Variants in USP4 observed in about 807,000 individuals in gnomAD.
USP4 encodes the protein ubiquitin specific peptidase 4, also known as ubiquitin carboxyl-terminal hydrolase 4.
A neutral mutation model predicts 118.2 loss-of-function variants in USP4; 72 were observed. The ratio of observed to expected loss-of-function variants is 0.61; its 90% CI spans 0.50 to 0.74. The LOEUF is 0.74. Ranked by LOEUF, USP4 falls within the 30% of genes least tolerant of loss-of-function variation. The probability of loss-of-function intolerance (pLI) is 0.00; values close to 1 mark genes in which losing one functional copy is unlikely to be tolerated. For synonymous variants in USP4, 415 were observed against 440.4 expected, an observed-to-expected ratio of 0.94 and a Z score of 0.72; for missense variants, 1,037 against 1,185.7, an observed-to-expected ratio of 0.87 and a Z score of 1.84.
chr3:49,314,617 A>G (rs1458646648), intron 6 of USP4, among the ~76,000 whole-genome samples: 1 of 152,236 alleles, frequency 6.6e-6, no homozygotes, highest in African/African-American at 2.4e-5. Flanking sequence ...TGAGGGAGGT[A>G]AGACAGAATA....
At position 49,284,460 on chromosome 3, in the gene USP4, G is replaced by C. The variant is rs372687579; in HGVS notation, c.2390+6C>G. 9.3e-6 allele frequency: 15 copies of C among 1,610,080 alleles called. No homozygotes were observed. The highest frequency in any genetic ancestry group is 1.3e-5 in the African/African-American group (1 of 74,960). On this transcript the variant is annotated splice_donor_region_variant and intron_variant, in intron 18 of 21. Coordinates refer to ENST00000265560, the MANE Select transcript of USP4 (RefSeq NM_003363.4). ...GCCTCTGCCCAGACAGTGAGGAGCT[G>C]CGTACCAGGGGTCATGCTCCCCAAG...
In USP4 at chr3:49,340,035, G is replaced by T; in HGVS notation, c.-11C>A. On this transcript the variant is annotated 5_prime_UTR_variant, in exon 1 of 22. Coordinates refer to ENST00000265560, the MANE Select transcript of USP4 (RefSeq NM_003363.4). ...TCCACCTTCCGCCATCTCCTCCGCG[G>T]CCCCGGCCCAGCCGGCCCGGACATC... The T allele has an allele frequency of 6.2e-7, 1 of 1,603,046 alleles. No individual in the cohort carries two copies. The highest frequency in any genetic ancestry group is 8.5e-7 in the Non-Finnish European group (1 of 1,178,870).
At chr3:49,292,462 CA>C (rs1426504070) in intron 15 of USP4, 47 bp downstream of exon 15, 1 of 1,252,522 alleles carries the variant, frequency 8.0e-7, no homozygotes, top group Admixed American at 2.7e-5. Context: ...AGAGGGAAAT[CA>C]GGAGGTATTT....
chr3:49,279,440 T>A (rs1185175088), intron 20 of USP4, among the ~76,000 whole-genome samples: 2 of 151,140 alleles, frequency 1.3e-5, no homozygotes, highest in African/African-American at 2.4e-5. Flanking sequence ...TTAGTCTCCA[T>A]ATCCAAAAAA....
chr3:49,330,733 G>A (rs1055733158), intron 2 of USP4, among the ~76,000 whole-genome samples: 6 of 151,998 alleles, frequency 3.9e-5, no homozygotes, highest in East Asian at 3.9e-4. Context: ...GCCGGAGGCC[G>A]GGCGCGGTGG....
chr3:49,328,315 G>A (rs1297858673), intron 2 of USP4, among the ~76,000 whole-genome samples: 2 of 151,684 alleles, frequency 1.3e-5, no homozygotes, highest in East Asian at 1.9e-4. Flanking sequence ...CCAAGATCAC[G>A]CCACTGCACT....
At chr3:49,294,855 GC>G (rs938019040) in intron 13 of USP4, among the ~76,000 whole-genome samples, 7 of 152,262 alleles carry the variant, frequency 4.6e-5, no homozygotes, top group African/African-American at 1.7e-4. Context: ...TCCAACCACG[GC>G]CTCAAACTCT....
intron 21 of USP4, 91 bp from the exon 22 acceptor site, chr3:49,278,542 ATC>A: frequency 1.4e-6 from 2 of 1,466,290 alleles, no homozygotes; most frequent in East Asian, 4.5e-5. Flanking sequence ...ACCCTCAAGG[ATC>A]TGCCATATCC....
chr3:49,295,182 G>A (rs763560740), intron 13 of USP4, among the ~76,000 whole-genome samples: 78 of 151,226 alleles, frequency 5.2e-4, no homozygotes, highest in Admixed American at 8.6e-4. Context: ...CCACCTACTC[G>A]GGAGGCTGAG....
At chr3:49,323,542 GCA>G (rs1464724445) in intron 6 of USP4, among the ~76,000 whole-genome samples, 1 of 152,162 alleles carries the variant, frequency 6.6e-6, no homozygotes, top group Non-Finnish European at 1.5e-5. Flanking sequence ...GTGAAGATGA[GCA>G]CAGCTATGCC....
rs541878865 is a variant in USP4 at position 49,337,397 on chromosome 3, T to TA, written c.102-1802dup. Among the ~76,000 whole-genome samples, 19 of 152,312 alleles carry TA rather than the reference T, an allele frequency of 1.2e-4. 1 individual carries two copies. The South Asian group carries it at 3.9e-3, about 32-fold the overall frequency. On this transcript the variant is annotated intron_variant, in intron 1 of 21. Coordinates refer to ENST00000265560, the MANE Select transcript of USP4 (RefSeq NM_003363.4). Reference sequence around the variant, plus strand: ...ATTAATTTGTGCTTCATATTCAACTTACCACTTTTTTACTTAAATGTAAGC... The same window carrying TA: ...ATTAATTTGTGCTTCATATTCAACTTAACCACTTTTTTACTTAAATGTAAGC...
intron 15 of USP4, among the ~76,000 whole-genome samples, chr3:49,291,262 C>A (rs1490322430): frequency 1.3e-5 from 2 of 148,806 alleles, no homozygotes; most frequent in African/African-American, 4.9e-5. Context: ...CCGCACCCAG[C>A]CTCAAGACCC....
chr3:49,294,729 A>G (rs542850930), intron 13 of USP4, 131 bp from the exon 14 acceptor site: 15 of 860,906 alleles, frequency 1.7e-5, no homozygotes, highest in African/African-American at 6.8e-5. Flanking sequence ...AAAGGTGGCT[A>G]TAACTATTGC....
At chr3:49,331,985 A>AT (rs1284585247) in intron 2 of USP4, among the ~76,000 whole-genome samples, 4 of 151,324 alleles carry the variant, frequency 2.6e-5, no homozygotes, top group African/African-American at 4.9e-5. Context: ...AAAAAAAAAA[A>AT]TACAAAGCTG....
At chr3:49,298,026 A>G (rs2047227334) in intron 12 of USP4, 62 bp from the exon 13 acceptor site, 6 of 1,072,228 alleles carry the variant, frequency 5.6e-6, no homozygotes, top group Admixed American at 1.9e-5. Context: ...CTAACTGCTT[A>G]AAACCCAGAA....
At chr3:49,319,211 T>C (rs949184067) in intron 6 of USP4, among the ~76,000 whole-genome samples, 1 of 152,002 alleles carries the variant, frequency 6.6e-6, no homozygotes, top group Non-Finnish European at 1.5e-5. Context: ...TTAAGCCAAC[T>C]AGTGACCTTC....
intron 2 of USP4, among the ~76,000 whole-genome samples, chr3:49,330,807 G>C (rs2047609213): frequency 6.8e-6 from 1 of 147,104 alleles, no homozygotes; most frequent in Non-Finnish European, 1.5e-5. Context: ...TCAGGAGATT[G>C]AGACCATCCT....
intron 11 of USP4, among the ~76,000 whole-genome samples, chr3:49,299,681 C>T (rs1456283567): frequency 6.6e-6 from 1 of 151,956 alleles, no homozygotes; most frequent in South Asian, 2.1e-4. Context: ...CGTGAGCCAC[C>T]GCGCCCGGCC....
chr3:49,305,831 C>T lies in USP4; in HGVS notation c.1012G>A (p.Glu338Lys), dbSNP rs201167579. The change falls in exon 9 of 22, where the codon GAA becomes AAA. Residue 338 changes from glutamate to lysine, a missense_variant. Glu to Lys is a moderately conservative substitution (Grantham distance 56, BLOSUM62 1). Around this residue, in one of 3 missense-constraint regions of USP4, gnomAD observed 487 missense variants for 534.1 expected, o/e 0.91. Transcript: ENST00000265560. ...DYFLKDEYEA[E>K]INRDNPLGMK... The stretch of plus-strand genomic sequence containing the variant: ...CCCAGAGGGTTGTCTCTGTTGATTT[C>T]GGCTTCATACTCATCTTTGAGAAAG... 1.8e-4 allele frequency: 293 copies of T among 1,613,998 alleles called. No individual in the cohort carries two copies. The highest frequency in any genetic ancestry group is 8.3e-5 in the Admixed American group (5 of 59,982).
Sources: allele counts gnomAD v4.1 joint callset (sites outside exome capture counted in the v4.1 genomes callset), GRCh38; gene constraint gnomAD v4.1.1; regional missense constraint gnomAD v4.1.1; transcripts MANE v1.5; gene names NCBI Gene and HGNC (gene_info 2026-07-23, HGNC 2026-07-21).